Variants in SOX30 observed in about 807,000 individuals in gnomAD.
The protein encoded by SOX30 is SRY-box transcription factor 30.
In SOX30, 17 loss-of-function variants were observed where a neutral mutation model predicts 58.6. That is an observed-to-expected ratio of 0.29 (90% CI 0.20 to 0.44). The LOEUF is 0.44. Ranked by LOEUF, SOX30 falls within the 20% of genes least tolerant of loss-of-function variation. The pLI, the probability that SOX30 is intolerant of heterozygous loss-of-function variation, is 1.00. For synonymous variants in SOX30, 421 were observed against 400.2 expected, an observed-to-expected ratio of 1.05 and a Z score of -0.62; for missense variants, 951 against 965.8, an observed-to-expected ratio of 0.98 and a Z score of 0.20.
chr5:157,653,159 C>G (rs188419273), upstream of SOX30, among the ~76,000 whole-genome samples: 14 of 152,346 alleles, frequency 9.2e-5, no homozygotes, highest in East Asian at 2.3e-3. Flanking sequence ...GCATGCTACT[C>G]TTTCCTTTGT....
rs187211371 is a variant in SOX30, at chr5:157,633,218, T to C, written c.1880+5012A>G. On this transcript the variant is annotated intron_variant, in intron 4 of 4. Coordinates refer to ENST00000265007, the MANE Select transcript of SOX30 (RefSeq NM_178424.2). ...AGACATTAAAACTCAAGTTTAGGGT[T>C]TTTTCTGTTTTTGTTTTTGTTTTAG... Among the ~76,000 whole-genome samples the C allele has an allele frequency of 2.0e-5, 3 of 152,236 alleles. No individual in the cohort carries two copies. In the East Asian group the frequency reaches 5.8e-4, roughly 29 times the overall value.
upstream of SOX30, among the ~76,000 whole-genome samples, chr5:157,657,057 A>G (rs1490974146): frequency 6.6e-6 from 1 of 152,196 alleles, no homozygotes; most frequent in Admixed American, 6.5e-5. Context: ...ATTTGTCTAT[A>G]AGGTTTTATA....
intron 2 of SOX30, among the ~76,000 whole-genome samples, chr5:157,666,673 T>C (rs1759679978): frequency 1.3e-5 from 2 of 152,144 alleles, no homozygotes; most frequent in Admixed American, 6.6e-5. Flanking sequence ...AACAGCAGAA[T>C]AGGTAATTTT....
chr5:157,646,005 C>T (rs549551421), intron 3 of SOX30, among the ~76,000 whole-genome samples: 8 of 132,042 alleles, frequency 6.1e-5, no homozygotes, highest in African/African-American at 2.7e-4. Context: ...TCAACAAGAG[C>T]GAAAACTCCA....
In SOX30 at chr5:157,651,140, G is replaced by A; in HGVS notation, c.939C>T (p.Val313=). 2 of 1,565,664 alleles carry A rather than the reference G, an allele frequency of 1.3e-6. No individual in the cohort carries two copies. The highest frequency in any genetic ancestry group is 8.7e-7 in the Non-Finnish European group (1 of 1,155,888). ...EPSVKIETKD[V]PLTVLPSDAG... ...CATCTGAGGGCAACACGGTGAGCGG[G>A]ACATCTTTGGTTTCAATTTTTACAG... Residue 313 remains valine (V), a synonymous_variant, in exon 1 of 5, where the codon GTC becomes GTT. Transcript: ENST00000265007.
chr5:157,651,984 G>A lies in SOX30; in HGVS notation c.95C>T (p.Ala32Val). 11 of 1,448,614 alleles carry A rather than the reference G, an allele frequency of 7.6e-6. No individual in the cohort carries two copies. Among genetic ancestry groups the A allele is most frequent in the Non-Finnish European group, 9.0e-6 (10 of 1,107,844 alleles). The allele number at this position is 1,448,614 out of a possible 1,614,324, so 89.7% of individuals were successfully genotyped here. Residue 32 changes from alanine (A) to valine (V), a missense_variant, in exon 1 of 5, where the codon GCA becomes GTA. Ala to Val is a moderately conservative substitution (Grantham distance 64). Coordinates refer to ENST00000265007, the MANE Select transcript of SOX30 (RefSeq NM_178424.2). Reference sequence around the variant, plus strand: ...AGACGACGGAGGGGGCTCCATGGCTGCTGCCCAAAAGGAGGTGCCCTCGAC... The same window carrying A: ...AGACGACGGAGGGGGCTCCATGGCTACTGCCCAAAAGGAGGTGCCCTCGAC... ...LPVEGTSFWAAAMEPPPSSPT... is the reference protein window; with the variant it reads ...LPVEGTSFWAVAMEPPPSSPT...
intron 4 of SOX30, among the ~76,000 whole-genome samples, chr5:157,628,132 T>C (rs1189793620): frequency 6.6e-6 from 1 of 152,032 alleles, no homozygotes; most frequent in African/African-American, 2.4e-5. Context: ...CTGGGCAATA[T>C]AGTGAGACCC....
chr5:157,654,438 G>A (rs1288776951), upstream of SOX30, among the ~76,000 whole-genome samples: 1 of 152,192 alleles, frequency 6.6e-6, no homozygotes, highest in African/African-American at 2.4e-5. Flanking sequence ...CTCTGTAAGT[G>A]TCAGTCCCCA....
intron 4 of SOX30, among the ~76,000 whole-genome samples, chr5:157,631,844 A>G (rs991710214): frequency 1.3e-5 from 2 of 151,226 alleles, no homozygotes; most frequent in African/African-American, 2.4e-5. Flanking sequence ...GAGTTTGAAA[A>G]CAGCCTAGGC....
chr5:157,642,824 A>G (rs1759102518), intron 3 of SOX30, among the ~76,000 whole-genome samples: 1 of 152,166 alleles, frequency 6.6e-6, no homozygotes, highest in African/African-American at 2.4e-5. Flanking sequence ...ATTGACTCCA[A>G]ATATTTTTAC....
intron 3 of SOX30, among the ~76,000 whole-genome samples, chr5:157,643,975 C>T (rs1759131745): frequency 6.6e-6 from 1 of 152,104 alleles, no homozygotes; most frequent in African/African-American, 2.4e-5. Context: ...ATACTGACCT[C>T]TCTAAATAAT....
chr5:157,645,950 G>C (rs1759180421), intron 3 of SOX30, among the ~76,000 whole-genome samples: 2 of 151,670 alleles, frequency 1.3e-5, no homozygotes, highest in Admixed American at 1.3e-4. Context: ...AACCCAGGAA[G>C]CGGAGGTTGT....
rs956036556 is a variant in SOX30 at position 157,651,320 on chromosome 5, C to G, written c.759G>C (p.Pro253=). Residue 253 remains proline, a synonymous_variant, in exon 1 of 5, where the codon CCG becomes CCC. Coordinates refer to ENST00000265007, the MANE Select transcript of SOX30 (RefSeq NM_178424.2). ...ILAPTSGAFG[P]HQQDLRIPLT... ...AAGGGATCCTAAGGTCTTGCTGGTG[C>G]GGCCCAAAGGCACCGGACGTTGGGG... is the stretch of plus-strand genomic sequence containing the variant. 6.2e-7 allele frequency: 1 copy of G among 1,614,056 alleles called. No individual in the cohort carries two copies. The highest frequency in any genetic ancestry group is 1.7e-5 in the Admixed American group (1 of 60,030).
In SOX30 at chr5:157,652,052, C is replaced by T. The variant is rs1288282044; in HGVS notation, c.27G>A (p.Pro9=). The part of the protein sequence containing the change: MERARPEP[P]PQPRPLRPAP... Reference sequence around the variant, plus strand: ...CGGGACGCAACGGGCGCGGCTGAGGCGGCGGCTCGGGTCTGGCTCTCTCCA... The same window carrying T: ...CGGGACGCAACGGGCGCGGCTGAGGTGGCGGCTCGGGTCTGGCTCTCTCCA... The change falls in exon 1 of 5, where the codon CCG becomes CCA. Residue 9 remains proline, a synonymous_variant. Coordinates refer to ENST00000265007, the MANE Select transcript of SOX30 (RefSeq NM_178424.2). 2.8e-6 allele frequency: 4 copies of T among 1,421,056 alleles called. No homozygotes were observed. The highest frequency in any genetic ancestry group is 3.0e-5 in the African/African-American group (2 of 66,722). 88.0% of individuals were successfully genotyped at this position (1,421,056 alleles called of 1,614,324 possible).
At position 157,638,298 on chromosome 5, in the gene SOX30, G is replaced by A. The variant is rs35793864; in HGVS notation, c.1812C>T (p.Phe604=). Residue 604 remains phenylalanine, a synonymous_variant, in exon 4 of 5, where the codon TTC becomes TTT. Transcript: ENST00000265007. ...PPPLGHPATL[F]GTPPRFSFHH... ...GAAAAGAGAATCTTGGTGGTGTCCC[G>A]AACAGTGTGGCTGGATGGCCAAGGG... 205,907 of 1,603,232 alleles carry A rather than the reference G, an allele frequency of 0.13. 14,149 individuals carry two copies. The highest frequency in any genetic ancestry group is 0.17 in the South Asian group (15,171 of 89,418).
At chr5:157,653,720 TCAAGA>T, upstream of SOX30, among the ~76,000 whole-genome samples, 1 of 152,338 alleles carries the variant, frequency 6.6e-6, no homozygotes, top group African/African-American at 2.4e-5. Context: ...ATTTTTGCAA[TCAAGA>T]CAAGTTATCA....
chr5:157,626,689 T>C lies in SOX30; in HGVS notation c.1913A>G (p.Tyr638Cys), dbSNP rs147847969. 121 of 1,612,338 alleles carry C rather than the reference T, an allele frequency of 7.5e-5. No homozygotes were observed. The highest frequency in any genetic ancestry group is 2.9e-4 in the South Asian group (26 of 90,806). Residue 638 changes from tyrosine to cysteine, a missense_variant, in exon 5 of 5, where the codon TAT becomes TGT. Around this residue, in one of 7 missense-constraint regions of SOX30, gnomAD observed 381 missense variants for 390.0 expected, o/e 0.98. Coordinates refer to ENST00000265007, the MANE Select transcript of SOX30 (RefSeq NM_178424.2). ...TCPYSRPPFG[Y>C]GNFPSSMPEC... is the part of the protein sequence containing the mutation. The stretch of plus-strand genomic sequence containing the variant: ...TGGCATTGAACTCGGAAAATTTCCA[T>C]AGCCAAAGGGAGGCCGACTGTAAGG...
intron 4 of SOX30, among the ~76,000 whole-genome samples, chr5:157,632,015 C>T (rs889077751): frequency 4.6e-4 from 63 of 135,518 alleles, no homozygotes; most frequent in African/African-American, 1.8e-3. Context: ...TGCACTCCAG[C>T]CTGGGTGACA....
Position 157,652,071 on chromosome 5 carries a change from C to G in SOX30, c.8G>C (p.Arg3Thr), listed in dbSNP as rs1018689169. Residue 3 changes from arginine (R) to threonine (T), a missense_variant, in exon 1 of 5, where the codon AGA (arginine) becomes ACA (threonine). Arg to Thr is a moderately conservative substitution (Grantham distance 71). Transcript: ENST00000265007. Reference protein sequence around the residue: MERARPEPPPQPR... With the variant: METARPEPPPQPR... ...CTGAGGCGGCGGCTCGGGTCTGGCT[C>G]TCTCCATGGGGGAGGGGGACGCCCC... 6.4e-6 allele frequency: 9 copies of G among 1,417,164 alleles called. No homozygotes were observed. Among genetic ancestry groups the G allele is most frequent in the Non-Finnish European group, 8.2e-6 (9 of 1,093,790 alleles). 87.8% of individuals were successfully genotyped at this position (1,417,164 alleles called of 1,614,324 possible). A position where few individuals can be genotyped will look rare whatever the true frequency, so the allele number is the denominator to read the frequency against.
Sources: gnomAD v4.1 joint callset for allele counts (sites outside exome capture counted in the v4.1 genomes callset) on GRCh38, gnomAD v4.1.1 for gene constraint, gnomAD v4.1.1 regional missense constraint, MANE v1.5 for transcripts, NCBI Gene and HGNC (gene_info 2026-07-23, HGNC 2026-07-21) for gene names.